EML5: variants seen among roughly 807,000 people sequenced by gnomAD.
EML5 encodes the protein EMAP like 5.
In EML5, 120 loss-of-function variants were observed where a neutral mutation model predicts 250.0. The ratio of observed to expected loss-of-function variants is 0.48; its 90% CI spans 0.41 to 0.56. EML5 has a LOEUF of 0.56. Among genes scored for constraint, EML5 ranks in the 20% least tolerant of loss-of-function variants. The probability of loss-of-function intolerance (pLI) is 0.00; values close to 1 mark genes in which losing one functional copy is unlikely to be tolerated. For synonymous variants in EML5, 771 were observed against 806.5 expected (o/e 0.96, Z 0.75); for missense variants, 2,006 against 2,437.6 (o/e 0.82, Z 3.73).
chr14:88,726,720 C>T, intron 7 of EML5, 42 bp from the exon 8 acceptor site: 1 of 1,397,142 alleles, frequency 7.2e-7, no homozygotes, highest in Non-Finnish European at 9.6e-7. Context: ...TTAGCTAATG[C>T]ATACTTTAGT....
At position 88,706,260 on chromosome 14, in the gene EML5, T is replaced by G; in HGVS notation, c.1824A>C (p.Gln608His). 6.2e-7 allele frequency: 1 copy of G among 1,600,598 alleles called. No homozygotes were observed. Among genetic ancestry groups the G allele is most frequent in the Non-Finnish European group, 8.5e-7 (1 of 1,175,132 alleles). ...KLKDAVHIAP[Q>H]ESLADSHSDE... is the part of the protein sequence containing the mutation. ...GTTTAGCTAATGCATACTACTCACC[T>G]TGGGGTGCTATGTGAACAGCATCTT... Residue 608 changes from glutamine (Q) to histidine (H), a missense_variant and splice_region_variant, in exon 11 of 44, where the codon CAA becomes CAC. Coordinates refer to ENST00000554922, the MANE Select transcript of EML5 (RefSeq NM_183387.3).
intron 7 of EML5, among the ~76,000 whole-genome samples, chr14:88,728,190 C>A: frequency 8.1e-6 from 1 of 123,132 alleles, no homozygotes; most frequent in East Asian, 3.0e-4. Context: ...CTGTACTGAA[C>A]ATGTACAGAC....
At chr14:88,742,099 G>T (rs1242278738) in intron 4 of EML5, among the ~76,000 whole-genome samples, 1 of 152,110 alleles carries the variant, frequency 6.6e-6, no homozygotes, top group African/African-American at 2.4e-5. Flanking sequence ...AAAATGGGAT[G>T]CCTGGACTCC....
chr14:88,726,518 GTGTT>G lies in EML5; in HGVS notation c.1187+19_1187+22del, dbSNP rs1407322933. On this transcript the variant is annotated intron_variant, in intron 8 of 43. Transcript: ENST00000554922. ...GTATCACTGAAGATAAAATTATTAT[GTGTT>G]TCTACCCTAATACCATACCTTACTC... 3.2e-6 allele frequency: 5 copies of G among 1,570,902 alleles called. No individual in the cohort carries two copies. The highest frequency in any genetic ancestry group is 4.3e-6 in the Non-Finnish European group (5 of 1,157,364).
At chr14:88,789,187 T>G (rs374748801) in intron 1 of EML5, among the ~76,000 whole-genome samples, 1 of 152,122 alleles carries the variant, frequency 6.6e-6, no homozygotes, top group Admixed American at 6.5e-5. Flanking sequence ...TATAACTTAG[T>G]CTTAAATCTA....
At chr14:88,705,013 A>C in intron 12 of EML5, 35 bp from the exon 13 acceptor site, 1 of 1,413,074 alleles carries the variant, frequency 7.1e-7, no homozygotes, top group Non-Finnish European at 9.8e-7. Flanking sequence ...ATATTCTTAG[A>C]ATATATACTA....
chr14:88,727,113 T>C (rs1325926456), intron 7 of EML5, among the ~76,000 whole-genome samples: 1 of 152,174 alleles, frequency 6.6e-6, no homozygotes, highest in Non-Finnish European at 1.5e-5. Context: ...ATAAACACAA[T>C]GTTTTGCCAT....
chr14:88,676,117 G>A (rs1199060746), intron 21 of EML5, among the ~76,000 whole-genome samples: 1 of 152,116 alleles, frequency 6.6e-6, no homozygotes, highest in African/African-American at 2.4e-5. Context: ...ACCTCTGCCT[G>A]TTACCCAGTT....
intron 21 of EML5, among the ~76,000 whole-genome samples, chr14:88,668,572 G>A (rs1159565286): frequency 1.3e-5 from 2 of 152,140 alleles, no homozygotes; most frequent in African/African-American, 4.8e-5. Flanking sequence ...GGGTTATGGA[G>A]CTACTGTCAT....
At position 88,702,599 on chromosome 14, in the gene EML5, A is replaced by G; in HGVS notation, c.2085T>C (p.Phe695=). 1 of 1,606,302 alleles carries G rather than the reference A, an allele frequency of 6.2e-7. No homozygotes were observed. The highest frequency in any genetic ancestry group is 1.1e-5 in the South Asian group (1 of 89,618). ...YRGYDCRSNL[F]YTQIGEIVYH... ...ACACAATTTCACCAATTTGAGTATA[A>G]AACAGATTACTTCGACAGTCATAAC... The change falls in exon 14 of 44, where the codon TTT becomes TTC. Residue 695 remains phenylalanine, a synonymous_variant. Transcript: ENST00000554922.
rs74387195 is a variant in EML5, at chr14:88,759,313, C to T, written c.198-4642G>A. Among the ~76,000 whole-genome samples the T allele has an allele frequency of 8.8e-3, 1,343 of 152,138 alleles. 17 individuals carry two copies. The highest frequency in any genetic ancestry group is 0.031 in the African/African-American group (1,279 of 41,504). ...ACAGGCTTCTTAGCAAATTCTTTATCTTCATCTTGTTTTCTCACCTTCAAA... is the reference window on the plus strand; with the variant it reads ...ACAGGCTTCTTAGCAAATTCTTTATTTTCATCTTGTTTTCTCACCTTCAAA... On this transcript the variant is annotated intron_variant, in intron 1 of 43. Coordinates refer to ENST00000554922, the MANE Select transcript of EML5 (RefSeq NM_183387.3).
intron 13 of EML5, 96 bp from the exon 14 acceptor site, chr14:88,702,728 C>A (rs1013381384): frequency 3.5e-6 from 3 of 863,940 alleles, no homozygotes; most frequent in Non-Finnish European, 3.3e-6. Flanking sequence ...TTGGGTGAAT[C>A]ATTCAATTTC....
At position 88,621,161 on chromosome 14, in the gene EML5, A is replaced by C. The variant is rs201405202; in HGVS notation, c.5154T>G (p.Leu1718=). The C allele has an allele frequency of 6.2e-4, 1,005 of 1,613,826 alleles. 9 individuals are homozygous for C. The highest frequency in any genetic ancestry group is 3.3e-4 in the Middle Eastern group (2 of 6,084). Residue 1718 remains leucine, a synonymous_variant, in exon 38 of 44, where the codon CTT becomes CTG. Coordinates refer to ENST00000554922, the MANE Select transcript of EML5 (RefSeq NM_183387.3). ...TCACTGTCCCATCTTCTGCAGCAGA[A>C]AGGAAAAAATCCCTGGAAGGATGTG... ...LATHPSRDFF[L]SAAEDGTVRL...
intron 1 of EML5, among the ~76,000 whole-genome samples, chr14:88,775,970 C>A (rs546471091): frequency 6.6e-6 from 1 of 152,060 alleles, no homozygotes; most frequent in Non-Finnish European, 1.5e-5. Context: ...AAGAGTGTGC[C>A]TGCCTGGTAA....
intron 27 of EML5, among the ~76,000 whole-genome samples, chr14:88,652,601 T>C (rs986350635): frequency 1.3e-5 from 2 of 152,188 alleles, no homozygotes; most frequent in Non-Finnish European, 2.9e-5. Context: ...ATGAATTCCC[T>C]TTTAATTTCT....
At chr14:88,643,979 A>G (rs1304456456) in intron 30 of EML5, among the ~76,000 whole-genome samples, 1 of 152,198 alleles carries the variant, frequency 6.6e-6, no homozygotes, top group African/African-American at 2.4e-5. Context: ...CTCAATTATT[A>G]CGTAAGGTTA....
intron 32 of EML5, among the ~76,000 whole-genome samples, chr14:88,637,385 C>T (rs1369499456): frequency 2.6e-5 from 4 of 151,988 alleles, no homozygotes; most frequent in African/African-American, 9.7e-5. Flanking sequence ...GAGAAAAGGG[C>T]CAAATTCCTA....
Position 88,655,985 on chromosome 14 carries a change from G to A in EML5, c.4004+1391C>T, listed in dbSNP as rs74471803. On this transcript the variant is annotated intron_variant, in intron 27 of 43. Coordinates refer to ENST00000554922, the MANE Select transcript of EML5 (RefSeq NM_183387.3). ...GGAAACAACAGATGCTGGAGAAGAT[G>A]TGGAGAAACAGCAATGCTTTTACAC... Among the ~76,000 whole-genome samples, 12 of 152,326 alleles carry A rather than the reference G, an allele frequency of 7.9e-5. No individual in the cohort carries two copies. In the East Asian group the frequency reaches 2.1e-3, roughly 27 times the overall value.
Position 88,695,393 on chromosome 14 carries a change from G to A in EML5, c.2406C>T (p.Asp802=), listed in dbSNP as rs1474874305. The A allele has an allele frequency of 1.9e-6, 3 of 1,611,862 alleles. No homozygotes were observed. The highest frequency in any genetic ancestry group is 4.5e-5 in the East Asian group (2 of 44,786). ...TTGAAAGTTTCTCTCCTTTCTTCCA[G>A]TCCCAGAGCACAACAGTATGGCTAT... ...IDDSHTVVLW[D]WKKGEKLSIA... Residue 802 remains aspartate, a synonymous_variant, in exon 16 of 44, where the codon GAC becomes GAT. Transcript: ENST00000554922.
Sources: allele counts gnomAD v4.1 joint callset (sites outside exome capture counted in the v4.1 genomes callset), GRCh38; gene constraint gnomAD v4.1.1; transcripts MANE v1.5; gene names NCBI Gene and HGNC (gene_info 2026-07-23, HGNC 2026-07-21).